Variants in ARHGEF9 observed in about 807,000 individuals in gnomAD.
ARHGEF9 encodes the protein rho guanine nucleotide exchange factor 9.
In ARHGEF9, 2 loss-of-function variants were observed where a neutral mutation model predicts 41.3. That is an observed-to-expected ratio of 0.05 (90% CI 0.02 to 0.15). The LOEUF (loss-of-function observed/expected upper bound fraction) is 0.15, where lower values mean the gene tolerates loss of function less well. Ranked by LOEUF, ARHGEF9 falls within the 10% of genes least tolerant of loss-of-function variation. The pLI is 1.00. For missense variants in ARHGEF9, 225 were observed against 424.7 expected (o/e 0.53, Z 4.13); for synonymous variants, 160 against 154.4 (o/e 1.04, Z -0.27).
At chrX:63,764,507 G>C (rs1556450774) in intron 1 of ARHGEF9, among the ~76,000 whole-genome samples, 3 of 112,234 alleles carry the variant, frequency 2.7e-5, no homozygotes, top group Non-Finnish European at 5.6e-5. Flanking sequence ...CTCTTATAAA[G>C]ATATATGCAC....
chrX:63,774,110 C>A (rs1426745455), intron 1 of ARHGEF9, among the ~76,000 whole-genome samples: 2 of 109,807 alleles, frequency 1.8e-5, no homozygotes, highest in African/African-American at 3.3e-5. Context: ...TCCACTCACC[C>A]ATCCATTCTA....
intron 1 of ARHGEF9, among the ~76,000 whole-genome samples, chrX:63,767,687 TA>T (rs2056135253): frequency 8.9e-6 from 1 of 112,462 alleles, no homozygotes; most frequent in South Asian, 3.6e-4. Context: ...TGGCACAAAA[TA>T]AACGCTGGCT....
chrX:63,706,642 T>C (rs1210981321), intron 2 of ARHGEF9, among the ~76,000 whole-genome samples, 193 bp from the exon 3 acceptor site: 1 of 111,582 alleles, frequency 9.0e-6, no homozygotes, highest in African/African-American at 3.3e-5. Context: ...CTTCTCTAGG[T>C]CTCTGGTGAC....
intron 1 of ARHGEF9, among the ~76,000 whole-genome samples, chrX:63,762,082 C>T (rs1423150703): frequency 3.6e-5 from 4 of 111,497 alleles, no homozygotes; most frequent in African/African-American, 1.3e-4. Context: ...GTATCAGAAC[C>T]CAGTGTTTAG....
intron 7 of ARHGEF9, 41 bp downstream of exon 7, chrX:63,665,845 T>C: frequency 9.2e-6 from 11 of 1,198,947 alleles, no homozygotes; most frequent in Non-Finnish European, 1.2e-5. Context: ...GGTACCCTGT[T>C]AGGTACCCAT....
At chrX:63,706,162 T>C in intron 3 of ARHGEF9, 96 bp downstream of exon 3, 1 of 968,878 alleles carries the variant, frequency 1.0e-6, no homozygotes, top group Non-Finnish European at 1.4e-6. Flanking sequence ...TGGGAGGCTA[T>C]GTGCCCTTTC....
At chrX:63,681,703 G>C (rs1222387301) in intron 4 of ARHGEF9, among the ~76,000 whole-genome samples, 1 of 110,050 alleles carries the variant, frequency 9.1e-6, no homozygotes, top group African/African-American at 3.3e-5. Context: ...TAAACTCAAA[G>C]ATAGCAGAAG....
At position 63,688,738 on chromosome X, in the gene ARHGEF9, C is replaced by A. The variant is rs1209284199; in HGVS notation, c.582+8387G>T. Among the ~76,000 whole-genome samples, 4 of 111,536 alleles carry A rather than the reference C, an allele frequency of 3.6e-5. No individual in the cohort carries two copies. The East Asian group carries it at 1.1e-3, about 31-fold the overall frequency. On this transcript the variant is annotated intron_variant, in intron 4 of 9. Coordinates refer to ENST00000671741, the MANE Select transcript of ARHGEF9 (RefSeq NM_001353921.2). ...TGAGCCGAGATCGTGCCACTGCACT[C>A]CAGCCTGGGAGACAGAGCAAGACTC...
chrX:63,679,297 T>G (rs1556366411), intron 4 of ARHGEF9, among the ~76,000 whole-genome samples: 1 of 111,619 alleles, frequency 9.0e-6, no homozygotes, highest in Non-Finnish European at 1.9e-5. Flanking sequence ...TTTTGTATGG[T>G]TCTTATTTTT....
intron 1 of ARHGEF9, among the ~76,000 whole-genome samples, chrX:63,768,297 CA>C (rs1343053283): frequency 1.8e-5 from 2 of 111,895 alleles, no homozygotes; most frequent in Non-Finnish European, 3.8e-5. Context: ...CAAGTTACTT[CA>C]AAAAACATTA....
At chrX:63,696,008 T>C (rs2051721106) in intron 4 of ARHGEF9, among the ~76,000 whole-genome samples, 1 of 111,893 alleles carries the variant, frequency 8.9e-6, no homozygotes, top group South Asian at 3.8e-4. Flanking sequence ...CCTCTGCACT[T>C]TGCCCTGTGT....
chrX:63,635,593 G>C lies in ARHGEF9; in HGVS notation c.*2435C>G. ...CCAACCAATGGGGAAATGATTTCTT[G>C]TTGTTCACAAATTAGTGGCATCAGG... On this transcript the variant is annotated 3_prime_UTR_variant, in exon 10 of 10. Coordinates refer to ENST00000671741, the MANE Select transcript of ARHGEF9 (RefSeq NM_001353921.2). The C allele has an allele frequency of 4.8e-6, 2 of 416,808 alleles. No individual in the cohort carries two copies. The highest frequency in any genetic ancestry group is 4.1e-6 in the Non-Finnish European group (1 of 241,024). 34.3% of individuals were successfully genotyped at this position (416,808 alleles called of 1,213,427 possible). A position where few individuals can be genotyped will look rare whatever the true frequency, so the allele number is the denominator to read the frequency against.
chrX:63,681,175 C>A (rs1479950748), intron 4 of ARHGEF9, among the ~76,000 whole-genome samples: 2 of 111,456 alleles, frequency 1.8e-5, no homozygotes, highest in Admixed American at 9.5e-5. Context: ...GATGCTCTGG[C>A]CCAGTGACCC....
chrX:63,684,472 T>C (rs1216756252), intron 4 of ARHGEF9, among the ~76,000 whole-genome samples: 1 of 111,214 alleles, frequency 9.0e-6, no homozygotes, highest in African/African-American at 3.3e-5. Context: ...TTTAAGATGT[T>C]CCCAAAGAAA....
intron 4 of ARHGEF9, among the ~76,000 whole-genome samples, chrX:63,682,176 A>T (rs868982245): frequency 4.8e-5 from 5 of 104,909 alleles, no homozygotes; most frequent in Non-Finnish European, 8.1e-5. Flanking sequence ...AATAAATAAA[A>T]GAACTAAAGG....
At chrX:63,784,803 C>T (rs1377080154) in intron 1 of ARHGEF9, among the ~76,000 whole-genome samples, 2 of 111,503 alleles carry the variant, frequency 1.8e-5, no homozygotes, top group African/African-American at 6.5e-5. Context: ...TGCCATCCCC[C>T]TTCCCTCTCT....
chrX:63,783,412 A>T (rs1321357865), intron 1 of ARHGEF9, among the ~76,000 whole-genome samples: 1 of 110,019 alleles, frequency 9.1e-6, no homozygotes, highest in Admixed American at 9.7e-5. Context: ...ATGTGCCACT[A>T]CGTCCAGCTA....
intron 4 of ARHGEF9, among the ~76,000 whole-genome samples, chrX:63,682,737 C>G (rs1489348017): frequency 9.0e-6 from 1 of 111,607 alleles, no homozygotes; most frequent in Non-Finnish European, 1.9e-5. Context: ...AAAAACCACA[C>G]GGTTATTTCA....
In ARHGEF9 at chrX:63,636,704, G is replaced by T; in HGVS notation, c.*1324C>A. 3.4e-6 allele frequency: 1 copy of T among 292,515 alleles called. No homozygotes were observed. Among genetic ancestry groups the T allele is most frequent in the Non-Finnish European group, 6.0e-6 (1 of 167,373 alleles). The allele number at this position is 292,515 out of a possible 1,213,427, so 24.1% of individuals were successfully genotyped here. Reference sequence around the variant, plus strand: ...TCCATGCAATCTGTTAACAATGGGAGAAGTCTCACACAATTTTAGGGTGGT... The same window carrying T: ...TCCATGCAATCTGTTAACAATGGGATAAGTCTCACACAATTTTAGGGTGGT... On this transcript the variant is annotated 3_prime_UTR_variant, in exon 10 of 10. Coordinates refer to ENST00000671741, the MANE Select transcript of ARHGEF9 (RefSeq NM_001353921.2).
Sources: allele counts gnomAD v4.1 joint callset (sites outside exome capture counted in the v4.1 genomes callset), GRCh38; gene constraint gnomAD v4.1.1; transcripts MANE v1.5; gene names NCBI Gene and HGNC (gene_info 2026-07-23, HGNC 2026-07-21).